Variants in HIVEP3 observed in about 807,000 individuals in gnomAD.
The protein encoded by HIVEP3 is HIVEP zinc finger 3, also known as transcription factor HIVEP3.
In HIVEP3, 49 loss-of-function variants were observed where a neutral mutation model predicts 152.8. The observed-to-expected ratio is 0.32, with a 90% CI of 0.26 to 0.41. HIVEP3 has a LOEUF of 0.41. Among genes scored for constraint, HIVEP3 ranks in the 10% least tolerant of loss-of-function variants. HIVEP3 has a pLI of 1.00. For missense variants in HIVEP3, 2,790 were observed against 3,103.3 expected (o/e 0.90, Z 2.40); for synonymous variants, 1,269 against 1,289.0 (o/e 0.98, Z 0.33).
intron 1 of HIVEP3, among the ~76,000 whole-genome samples, chr1:41,993,841 T>C: frequency 6.7e-6 from 1 of 149,186 alleles, no homozygotes; most frequent in East Asian, 1.9e-4. Context: ...TGAGTTCATT[T>C]CCTTTGTAGG....
intron 5 of HIVEP3, among the ~76,000 whole-genome samples, chr1:41,570,520 C>T (rs1019837853): frequency 6.6e-6 from 1 of 152,100 alleles, no homozygotes; most frequent in Non-Finnish European, 1.5e-5. Context: ...CACCTTCCAC[C>T]ATGATTGTAA....
intron 1 of HIVEP3, among the ~76,000 whole-genome samples, chr1:41,910,696 A>T (rs1290023507): frequency 6.6e-6 from 1 of 152,050 alleles, no homozygotes; most frequent in African/African-American, 2.4e-5. Context: ...TTAAGTTAAC[A>T]TTGGAAAATT....
At chr1:41,741,939 G>A (rs1015536307) in intron 1 of HIVEP3, among the ~76,000 whole-genome samples, 1 of 152,222 alleles carries the variant, frequency 6.6e-6, no homozygotes, top group African/African-American at 2.4e-5. Context: ...GAGGGCTGAA[G>A]GCCAAGGCAT....
chr1:41,779,203 C>T (rs962595092), intron 1 of HIVEP3, among the ~76,000 whole-genome samples: 3 of 152,208 alleles, frequency 2.0e-5, no homozygotes, highest in Non-Finnish European at 4.4e-5. Context: ...TGTTCTCCAC[C>T]TCTGCACGCT....
chr1:41,775,406 A>C (rs1648632791), intron 1 of HIVEP3, among the ~76,000 whole-genome samples: 1 of 152,230 alleles, frequency 6.6e-6, no homozygotes, highest in African/African-American at 2.4e-5. Flanking sequence ...CTGAGTTGCC[A>C]AAAACAGCCT....
At chr1:41,912,299 C>T (rs1464869788) in intron 1 of HIVEP3, among the ~76,000 whole-genome samples, 1 of 152,124 alleles carries the variant, frequency 6.6e-6, no homozygotes, top group Non-Finnish European at 1.5e-5. Flanking sequence ...TAATGTTATT[C>T]TTTAGACCTT....
intron 1 of HIVEP3, among the ~76,000 whole-genome samples, chr1:41,925,533 A>G (rs536157620): frequency 3.8e-4 from 58 of 152,306 alleles, no homozygotes; most frequent in African/African-American, 1.3e-3. Context: ...GAGGAGGAAG[A>G]AGAGGAAGAG....
chr1:41,785,417 A>G (rs1321941652), intron 1 of HIVEP3, among the ~76,000 whole-genome samples: 1 of 152,236 alleles, frequency 6.6e-6, no homozygotes, highest in African/African-American at 2.4e-5. Context: ...GGATCAAAGG[A>G]GCAACAGACC....
intron 1 of HIVEP3, among the ~76,000 whole-genome samples, chr1:41,876,152 A>T (rs1644167722): frequency 6.6e-6 from 1 of 151,474 alleles, no homozygotes. Context: ...GGATAGTAAG[A>T]ATAAGGGGTA....
Position 41,836,260 on chromosome 1 carries a change from C to G in HIVEP3, c.-801+82153G>C, listed in dbSNP as rs546455124. Among the ~76,000 whole-genome samples the G allele has an allele frequency of 3.9e-5, 6 of 152,320 alleles. No individual in the cohort carries two copies. The South Asian group carries it at 1.2e-3, about 32-fold the overall frequency. ...TTGCCCTCTGGTGAACCAGCCAATCCAAGCAGACTGTCCCTGCTGAGCAGC... is the reference window on the plus strand; with the variant it reads ...TTGCCCTCTGGTGAACCAGCCAATCGAAGCAGACTGTCCCTGCTGAGCAGC... On this transcript the variant is annotated intron_variant, in intron 1 of 8. Transcript: ENST00000372583.
chr1:41,951,923 T>C, intron 1 of HIVEP3, among the ~76,000 whole-genome samples: 1 of 152,258 alleles, frequency 6.6e-6, no homozygotes, highest in African/African-American at 2.4e-5. Context: ...ACCATATCAG[T>C]GTGCATACAA....
intron 1 of HIVEP3, among the ~76,000 whole-genome samples, chr1:41,854,626 A>C (rs1643705881): frequency 8.8e-6 from 1 of 113,516 alleles, no homozygotes; most frequent in Non-Finnish European, 1.7e-5. Context: ...TGCACCCACT[A>C]ATGTGTCATC....
chr1:41,768,372 T>C (rs566398071), intron 1 of HIVEP3, among the ~76,000 whole-genome samples: 1 of 152,370 alleles, frequency 6.6e-6, no homozygotes, highest in African/African-American at 2.4e-5. Context: ...GACCCCGTGA[T>C]TCAATTACCT....
chr1:41,874,330 A>C (rs1284956910), intron 1 of HIVEP3, among the ~76,000 whole-genome samples: 1 of 152,228 alleles, frequency 6.6e-6, no homozygotes, highest in Non-Finnish European at 1.5e-5. Flanking sequence ...TAAAGGCATG[A>C]AGATTGCCCA....
At chr1:41,666,112 GGTGTGTGTGCGTGTGTGT>G (rs1298217876) in intron 2 of HIVEP3, among the ~76,000 whole-genome samples, 1 of 143,298 alleles carries the variant, frequency 7.0e-6, no homozygotes, top group Non-Finnish European at 1.5e-5. Flanking sequence ...TCCTGTTTGG[GGTGTGTGTGCGTGTGTGT>G]GTGTGTGTGT....
At chr1:41,973,923 G>A (rs142564631) in intron 1 of HIVEP3, among the ~76,000 whole-genome samples, 56 of 152,342 alleles carry the variant, frequency 3.7e-4, no homozygotes, top group Non-Finnish European at 6.3e-4. Flanking sequence ...TGTCACTGAT[G>A]TCACTGGAGG....
chr1:41,973,063 CA>C (rs1261997876), intron 1 of HIVEP3, among the ~76,000 whole-genome samples: 3 of 151,960 alleles, frequency 2.0e-5, no homozygotes, highest in African/African-American at 7.3e-5. Flanking sequence ...CACACACACA[CA>C]CACACACACA....
chr1:41,754,884 C>T (rs1012751013), intron 1 of HIVEP3, among the ~76,000 whole-genome samples: 1 of 152,152 alleles, frequency 6.6e-6, no homozygotes, highest in Non-Finnish European at 1.5e-5. Flanking sequence ...TGTATGGAAA[C>T]AAGCGCCCCT....
At chr1:41,718,264 CTG>C (rs1646624867) in intron 1 of HIVEP3, among the ~76,000 whole-genome samples, 1 of 152,202 alleles carries the variant, frequency 6.6e-6, no homozygotes, top group Non-Finnish European at 1.5e-5. Context: ...AGTGAGGCGA[CTG>C]TGGGCAATGG....
Sources: gnomAD v4.1 joint callset for allele counts (sites outside exome capture counted in the v4.1 genomes callset) on GRCh38, gnomAD v4.1.1 for gene constraint, MANE v1.5 for transcripts, NCBI Gene and HGNC (gene_info 2026-07-23, HGNC 2026-07-21) for gene names.